Variants in RNF6 observed in about 807,000 individuals in gnomAD.
The protein encoded by RNF6 is ring finger protein 6.
A neutral mutation model predicts 50.1 loss-of-function variants in RNF6; 21 were observed. The ratio of observed to expected loss-of-function variants is 0.42; its 90% confidence interval spans 0.30 to 0.60. RNF6 has a LOEUF of 0.60. RNF6 is among the 20% of genes least tolerant of loss of function. The pLI, the probability that RNF6 is intolerant of heterozygous loss-of-function variation, is 0.20. For synonymous variants in RNF6, 255 were observed against 291.8 expected, an observed-to-expected ratio of 0.87 and a Z score of 1.29; for missense variants, 698 against 838.2, an observed-to-expected ratio of 0.83 and a Z score of 2.07.
chr13:26,187,020 A>T (rs185279984), intron 5 of RNF6, among the ~76,000 whole-genome samples: 1 of 151,264 alleles, frequency 6.6e-6, no homozygotes, highest in Non-Finnish European at 1.5e-5. Flanking sequence ...TTCGTGATCC[A>T]CCCACCTCGG....
intron 5 of RNF6, among the ~76,000 whole-genome samples, chr13:26,184,034 T>A (rs1258695510): frequency 1.9e-4 from 19 of 99,362 alleles, no homozygotes; most frequent in South Asian, 6.6e-4. Flanking sequence ...TTTTTTTTTT[T>A]TTTTTTTTTT....
At chr13:26,132,483 A>T (rs1870441698) in intron 5 of RNF6, 1 of 456,534 alleles carries the variant, frequency 2.2e-6, no homozygotes, top group Non-Finnish European at 4.4e-6. Context: ...AGAAAAATAA[A>T]AGTAGAAGTT....
At chr13:26,168,351 A>G (rs978920505) in intron 5 of RNF6, among the ~76,000 whole-genome samples, 1 of 152,206 alleles carries the variant, frequency 6.6e-6, no homozygotes, top group Admixed American at 6.5e-5. Context: ...CTTCTGCGTG[A>G]GATAAAAACA....
rs774869026 is a variant in RNF6 at position 26,173,143 on chromosome 13, A to T, written n.769-40692T>A. 2.0e-5 allele frequency among the ~76,000 whole-genome samples: 3 copies of T among 152,330 alleles called. No individual in the cohort carries two copies. The East Asian group carries it at 5.8e-4, about 29-fold the overall frequency. ...CGGCAGAGTACACATAAGAGTATAAACGGATACAACCATTGTAGAGAGAGC... is the reference window on the plus strand; with the variant it reads ...CGGCAGAGTACACATAAGAGTATAATCGGATACAACCATTGTAGAGAGAGC... On this transcript the variant is annotated intron_variant and non_coding_transcript_variant, in intron 5 of 5. Coordinates refer to the RNF6 transcript ENST00000468480.
chr13:26,184,209 T>C (rs1249609218), intron 5 of RNF6, among the ~76,000 whole-genome samples: 2 of 151,506 alleles, frequency 1.3e-5, no homozygotes, highest in African/African-American at 4.9e-5. Flanking sequence ...TGTTTTGTAT[T>C]TTTAGCAGAG....
intron 5 of RNF6, among the ~76,000 whole-genome samples, chr13:26,141,124 C>A (rs184435413): frequency 6.6e-6 from 1 of 152,178 alleles, no homozygotes; most frequent in African/African-American, 2.4e-5. Context: ...TTAGAAAAAA[C>A]TATTCTAAAA....
chr13:26,191,773 G>A (rs1472799550), intron 5 of RNF6, among the ~76,000 whole-genome samples: 1 of 152,198 alleles, frequency 6.6e-6, no homozygotes, highest in Non-Finnish European at 1.5e-5. Context: ...TTATAGAAGT[G>A]TAAAAATGGA....
chr13:26,192,987 C>T (rs1335005267), intron 5 of RNF6, among the ~76,000 whole-genome samples: 3 of 152,178 alleles, frequency 2.0e-5, no homozygotes, highest in Non-Finnish European at 4.4e-5. Context: ...AATAAAAAGA[C>T]ATCTTTTTGG....
intron 5 of RNF6, among the ~76,000 whole-genome samples, chr13:26,161,631 A>G (rs1872219374): frequency 6.6e-6 from 1 of 152,204 alleles, no homozygotes; most frequent in Non-Finnish European, 1.5e-5. Flanking sequence ...AGTATACGGC[A>G]AAACTATTTT....
At position 26,149,893 on chromosome 13, in the gene RNF6, TACAC is replaced by T. The variant is rs370753891; in HGVS notation, n.769-17446_769-17443del. ...GTGTATATATATATATATATATATA[TACAC>T]ACACACAGTGTATATATAATGTGTA... is the stretch of plus-strand genomic sequence containing the variant. On this transcript the variant is annotated intron_variant and non_coding_transcript_variant, in intron 5 of 5. Coordinates refer to the RNF6 transcript ENST00000468480. 1.4e-4 allele frequency among the ~76,000 whole-genome samples: 7 copies of T among 48,686 alleles called. 1 individual carries two copies. The highest frequency in any genetic ancestry group is 4.9e-4 in the Admixed American group (2 of 4,098). The allele number at this position is 48,686 out of a possible 152,430, so 31.9% of individuals were successfully genotyped here. A position where few individuals can be genotyped will look rare whatever the true frequency, so the allele number is the denominator to read the frequency against.
intron 5 of RNF6, among the ~76,000 whole-genome samples, chr13:26,172,604 C>T (rs979792813): frequency 1.3e-5 from 2 of 151,042 alleles, no homozygotes; most frequent in Admixed American, 6.6e-5. Context: ...AGTGCAGTGG[C>T]GCGATCTGGG....
At chr13:26,187,999 T>C (rs1873638099) in intron 5 of RNF6, among the ~76,000 whole-genome samples, 1 of 152,198 alleles carries the variant, frequency 6.6e-6, no homozygotes, top group African/African-American at 2.4e-5. Context: ...ATTCTGTAGG[T>C]GTCTGGGCAT....
chr13:26,158,286 C>T (rs894677274), intron 5 of RNF6, among the ~76,000 whole-genome samples: 19 of 152,154 alleles, frequency 1.2e-4, no homozygotes, highest in African/African-American at 4.6e-4. Context: ...AAATGGCTCA[C>T]CTTGGGTCAG....
At chr13:26,157,956 AAGAT>A (rs151267109) in intron 5 of RNF6, among the ~76,000 whole-genome samples, 42,810 of 146,416 alleles carry the variant, frequency 0.29, 6,309 homozygotes, top group African/African-American at 0.31. Context: ...AGCTAGCTAG[AAGAT>A]AGATAGATAG....
At position 26,147,089 on chromosome 13, in the gene RNF6, C is replaced by T. The variant is rs534495120; in HGVS notation, n.769-14638G>A. On this transcript the variant is annotated intron_variant and non_coding_transcript_variant, in intron 5 of 5. Transcript: ENST00000468480. ...AATGTGAGAATGGACTAATACAGGG[C>T]CCATATCAATCAATTCAGCCTGATT... is the stretch of plus-strand genomic sequence containing the variant. Among the ~76,000 whole-genome samples, 4 of 152,268 alleles carry T rather than the reference C, an allele frequency of 2.6e-5. No individual in the cohort carries two copies. In the South Asian group the frequency reaches 8.3e-4, roughly 32 times the overall value.
intron 5 of RNF6, among the ~76,000 whole-genome samples, chr13:26,154,725 G>A (rs942534272): frequency 2.0e-5 from 3 of 152,110 alleles, no homozygotes; most frequent in African/African-American, 7.2e-5. Context: ...CTATTAGCTT[G>A]TAATACTTAC....
At chr13:26,193,564 G>C (rs941824924) in intron 5 of RNF6, among the ~76,000 whole-genome samples, 13 of 152,196 alleles carry the variant, frequency 8.5e-5, no homozygotes, top group African/African-American at 3.1e-4. Context: ...AGCAAGACCT[G>C]GGGGAGAGAG....
intron 5 of RNF6, among the ~76,000 whole-genome samples, chr13:26,151,902 G>A (rs1257885847): frequency 1.3e-5 from 2 of 152,116 alleles, no homozygotes; most frequent in African/African-American, 4.8e-5. Context: ...CTCCAAGCTG[G>A]TCCCTCTACC....
intron 5 of RNF6, among the ~76,000 whole-genome samples, chr13:26,164,263 C>T (rs531952965): frequency 1.3e-5 from 2 of 152,246 alleles, no homozygotes; most frequent in East Asian, 3.9e-4. Flanking sequence ...TGAAAACTGT[C>T]TTATTCTCTC....
Sources: allele counts gnomAD v4.1 joint callset (sites outside exome capture counted in the v4.1 genomes callset), GRCh38; gene constraint gnomAD v4.1.1; transcripts MANE v1.5; gene names NCBI Gene and HGNC (gene_info 2026-07-23, HGNC 2026-07-21).